The following GRID1 variants were observed in gnomAD, a reference collection of about 807,000 sequenced individuals.
The protein encoded by GRID1 is glutamate receptor ionotropic, delta-1.
In GRID1, 28 loss-of-function variants were observed where a neutral mutation model predicts 98.0. The observed-to-expected ratio is 0.29, with a 90% CI of 0.21 to 0.39. GRID1 has a LOEUF of 0.39. Among genes scored for constraint, GRID1 ranks in the 10% least tolerant of loss-of-function variants. GRID1 has a pLI of 1.00. For missense variants in GRID1, 1,111 were observed against 1,340.5 expected, an observed-to-expected ratio of 0.83 and a Z score of 2.67; for synonymous variants, 553 against 538.5, an observed-to-expected ratio of 1.03 and a Z score of -0.37.
At position 86,341,392 on chromosome 10, in the gene GRID1, G is replaced by T. The variant is rs541235150; in HGVS notation, c.235+22549C>A. 7.2e-5 allele frequency among the ~76,000 whole-genome samples: 11 copies of T among 152,202 alleles called. No individual in the cohort carries two copies. In the East Asian group the frequency reaches 1.9e-3, roughly 27 times the overall value. ...AGGATGAGGCCCTGGTGGGACCCTGGGTACTTACGCGGGTGCCCCTCCCTC... is the reference window on the plus strand; with the variant it reads ...AGGATGAGGCCCTGGTGGGACCCTGTGTACTTACGCGGGTGCCCCTCCCTC... On this transcript the variant is annotated intron_variant, in intron 2 of 15. Transcript: ENST00000327946.
intron 8 of GRID1, among the ~76,000 whole-genome samples, chr10:85,824,385 T>G (rs1842800071): frequency 6.6e-6 from 1 of 152,110 alleles, no homozygotes; most frequent in Non-Finnish European, 1.5e-5. Context: ...TTAATTTTTG[T>G]ATTTCTAGTA....
At chr10:85,737,177 A>T (rs77878685) in intron 8 of GRID1, among the ~76,000 whole-genome samples, 4,984 of 152,248 alleles carry the variant, frequency 0.033, 119 homozygotes, top group Non-Finnish European at 0.048. Context: ...CAAGGAATTG[A>T]GCCTTTGGTG....
At chr10:85,939,310 T>C (rs948613427) in intron 4 of GRID1, among the ~76,000 whole-genome samples, 2 of 152,222 alleles carry the variant, frequency 1.3e-5, no homozygotes, top group African/African-American at 2.4e-5. Flanking sequence ...CAACCTGTAT[T>C]AGCTCTTTAT....
chr10:86,364,388 C>T (rs1848646517), intron 1 of GRID1, among the ~76,000 whole-genome samples: 2 of 152,210 alleles, frequency 1.3e-5, no homozygotes, highest in African/African-American at 4.8e-5. Context: ...ACCAAGGCAC[C>T]ACATGTCCTA....
intron 4 of GRID1, among the ~76,000 whole-genome samples, chr10:86,123,617 A>G (rs1844710021): frequency 6.6e-6 from 1 of 152,188 alleles, no homozygotes; most frequent in South Asian, 2.1e-4. Context: ...GATTCTCATT[A>G]GGTGATGAGC....
intron 4 of GRID1, among the ~76,000 whole-genome samples, chr10:85,937,875 G>A (rs1278311863): frequency 6.6e-6 from 1 of 152,206 alleles, no homozygotes; most frequent in Non-Finnish European, 1.5e-5. Context: ...TGCCGAGGTT[G>A]AGAAAACCAG....
In GRID1 at chr10:85,912,548, G is replaced by GT. The variant is rs201473040; in HGVS notation, c.780+3637_780+3638insA. Reference sequence around the variant, plus strand: ...AAATGCATAAAACAAATCAAATACAGAGGAGGAAACTGAAAGGCAGAGCCT... The same window carrying GT: ...AAATGCATAAAACAAATCAAATACAGTAGGAGGAAACTGAAAGGCAGAGCCT... On this transcript the variant is annotated intron_variant, in intron 5 of 15. Transcript: ENST00000327946. Among the ~76,000 whole-genome samples, 687 of 152,346 alleles carry GT rather than the reference G, an allele frequency of 4.5e-3. 17 individuals are homozygous for GT. Among genetic ancestry groups the GT allele is most frequent in the Admixed American group, 0.038 (585 of 15,302 alleles).
intron 5 of GRID1, among the ~76,000 whole-genome samples, chr10:85,888,684 T>A (rs1412119367): frequency 6.6e-6 from 1 of 152,122 alleles, no homozygotes; most frequent in Non-Finnish European, 1.5e-5. Context: ...TTATCCATCT[T>A]CTCCTCAGTT....
At chr10:86,116,601 T>C (rs1280661128) in intron 4 of GRID1, among the ~76,000 whole-genome samples, 1 of 152,206 alleles carries the variant, frequency 6.6e-6, no homozygotes, top group Non-Finnish European at 1.5e-5. Flanking sequence ...CTGACTCATC[T>C]ATTTCCAGAG....
chr10:86,065,784 G>T (rs1843711729), intron 4 of GRID1, among the ~76,000 whole-genome samples: 1 of 152,226 alleles, frequency 6.6e-6, no homozygotes, highest in African/African-American at 2.4e-5. Context: ...AATGCTTGCA[G>T]CTCCAAGGAG....
At chr10:86,111,791 C>T (rs1269809401) in intron 4 of GRID1, among the ~76,000 whole-genome samples, 1 of 152,214 alleles carries the variant, frequency 6.6e-6, no homozygotes, top group Admixed American at 6.5e-5. Context: ...AGTCAAAGAA[C>T]TCAACCTGAT....
chr10:85,997,533 T>A (rs1385549302), intron 4 of GRID1, among the ~76,000 whole-genome samples: 1 of 152,192 alleles, frequency 6.6e-6, no homozygotes. Flanking sequence ...AACGTAAGTA[T>A]GCATATTGTA....
intron 4 of GRID1, among the ~76,000 whole-genome samples, chr10:85,957,525 A>G (rs1233928363): frequency 6.6e-6 from 1 of 152,196 alleles, no homozygotes; most frequent in Non-Finnish European, 1.5e-5. Context: ...CCCCCAGACT[A>G]CACATAAGGG....
At chr10:85,837,424 C>T (rs553149920) in intron 8 of GRID1, among the ~76,000 whole-genome samples, 6 of 152,278 alleles carry the variant, frequency 3.9e-5, no homozygotes, top group Non-Finnish European at 5.9e-5. Context: ...TTGCAGCTGT[C>T]GCACCTTGGC....
In GRID1 at chr10:85,729,553, C is replaced by T. The variant is rs1307938744; in HGVS notation, c.1295G>A (p.Ser432Asn). Residue 432 changes from serine to asparagine, a missense_variant, in exon 9 of 16, where the codon AGC becomes AAC. Ser to Asn is a conservative substitution (Grantham distance 46, BLOSUM62 1). Around this residue, in one of 3 missense-constraint regions of GRID1, gnomAD observed 762 missense variants for 869.1 expected, o/e 0.88. Transcript: ENST00000327946. ...NGSLQERPMG[S>N]RLQGLTLKVV... The stretch of plus-strand genomic sequence containing the variant: ...TTTAAGAGTCAATCCTTGGAGGCGG[C>T]TGCCCATGGGCCTCTCTTGCAAGCT... The T allele has an allele frequency of 6.8e-6, 11 of 1,612,670 alleles. No individual in the cohort carries two copies. Among genetic ancestry groups the T allele is most frequent in the Non-Finnish European group, 8.5e-6 (10 of 1,178,826 alleles).
At chr10:86,052,330 G>A (rs1319487768) in intron 4 of GRID1, 4 of 152,138 alleles carry the variant, frequency 2.6e-5, no homozygotes, top group African/African-American at 9.7e-5. Flanking sequence ...GTGGGGAGGG[G>A]TGAAATAGAG....
At chr10:85,968,376 G>A (rs923136117) in intron 4 of GRID1, among the ~76,000 whole-genome samples, 3 of 151,092 alleles carry the variant, frequency 2.0e-5, no homozygotes, top group East Asian at 3.9e-4. Context: ...GCATGAACCC[G>A]GGAGGCGGAG....
intron 3 of GRID1, among the ~76,000 whole-genome samples, chr10:86,172,540 T>C (rs903624228): frequency 6.6e-6 from 1 of 152,186 alleles, no homozygotes; most frequent in African/African-American, 2.4e-5. Context: ...AGTACTGCCC[T>C]ACTTAATCCC....
At chr10:85,604,955 C>T (rs1048930382) in intron 15 of GRID1, among the ~76,000 whole-genome samples, 1 of 152,140 alleles carries the variant, frequency 6.6e-6, no homozygotes, top group African/African-American at 2.4e-5. Flanking sequence ...GGTTACCTAA[C>T]GAAGAGACAG....
Sources: gnomAD v4.1 joint callset for allele counts (sites outside exome capture counted in the v4.1 genomes callset) on GRCh38, gnomAD v4.1.1 for gene constraint, gnomAD v4.1.1 regional missense constraint, MANE v1.5 for transcripts, NCBI Gene and HGNC (gene_info 2026-07-23, HGNC 2026-07-21) for gene names.